The following NAA16 variants were observed in gnomAD, a reference collection of about 807,000 sequenced individuals.
The protein encoded by NAA16 is N-alpha-acetyltransferase 16, NatA auxiliary subunit, also known as NARG1-like protein.
Under a neutral mutation model 110.3 loss-of-function variants are expected in NAA16, and 97 were observed. That is an observed-to-expected ratio of 0.88 (90% confidence interval 0.75 to 1.04). The LOEUF is 1.04. NAA16 is among the 50% of genes least tolerant of loss of function. The probability of loss-of-function intolerance (pLI) is 0.00; values close to 1 mark genes in which losing one functional copy is unlikely to be tolerated. For missense variants in NAA16, 1,017 were observed against 1,005.1 expected (o/e 1.01, Z -0.16); for synonymous variants, 372 against 330.6 (o/e 1.13, Z -1.36).
chr13:41,337,834 T>G (rs1182078376), intron 9 of NAA16, among the ~76,000 whole-genome samples: 1 of 152,188 alleles, frequency 6.6e-6, no homozygotes, highest in Non-Finnish European at 1.5e-5. Context: ...AATACAATGT[T>G]GGAAACATCA....
chr13:41,313,031 T>C (rs2041683572), intron 1 of NAA16, among the ~76,000 whole-genome samples: 1 of 152,164 alleles, frequency 6.6e-6, no homozygotes, highest in Middle Eastern at 3.2e-3. Context: ...TAATATCATT[T>C]ATAAATCGCT....
At position 41,373,675 on chromosome 13, in the gene NAA16, G is replaced by T; in HGVS notation, c.2194G>T (p.Val732Phe). ...TAATCTTCCAGACATTGTGAGCAAA[G>T]TTCTATCTCAAGAAATGCAGAAAAT... Reference protein sequence around the residue: ...HSNLPDIVSKVLSQEMQKIFV... With the variant: ...HSNLPDIVSKFLSQEMQKIFV... The change falls in exon 18 of 20, where the codon GTT (valine) becomes TTT (phenylalanine). Residue 732 changes from valine (V) to phenylalanine (F), a missense_variant. Transcript: ENST00000379406. 1 of 1,610,218 alleles carries T rather than the reference G, an allele frequency of 6.2e-7. No homozygotes were observed. Among genetic ancestry groups the T allele is most frequent in the Non-Finnish European group, 8.5e-7 (1 of 1,178,592 alleles).
intron 5 of NAA16, among the ~76,000 whole-genome samples, chr13:41,325,050 C>T (rs537966235): frequency 2.0e-5 from 3 of 149,830 alleles, no homozygotes; most frequent in South Asian, 2.2e-4. Context: ...CCTCCACTTC[C>T]GGGCTTAAGC....
In NAA16 at chr13:41,318,430, G is replaced by A. The variant is rs547645926; in HGVS notation, c.140-376G>A. Among the ~76,000 whole-genome samples, 31 of 152,210 alleles carry A rather than the reference G, an allele frequency of 2.0e-4. No homozygotes were observed. In the South Asian group the frequency reaches 5.4e-3, roughly 26 times the overall value. On this transcript the variant is annotated intron_variant, in intron 2 of 19. Transcript: ENST00000379406. ...TTGGCCAGGCTGGTCTCGAACTCTT[G>A]ACCTCAGATGATCCACCCGCCTCAG...
At chr13:41,359,279 C>T (rs1335265655) in intron 12 of NAA16, among the ~76,000 whole-genome samples, 1 of 152,082 alleles carries the variant, frequency 6.6e-6, no homozygotes, top group Non-Finnish European at 1.5e-5. Flanking sequence ...TCCTTTGTCC[C>T]CCTAGTAATT....
intron 15 of NAA16, among the ~76,000 whole-genome samples, chr13:41,371,381 A>G (rs2043313202): frequency 6.6e-6 from 1 of 152,312 alleles, no homozygotes; most frequent in Admixed American, 6.5e-5. Context: ...TTTTAAATAA[A>G]TGAAAAAGCA....
chr13:41,333,731 T>G (rs1279702920), intron 8 of NAA16, among the ~76,000 whole-genome samples: 1 of 152,146 alleles, frequency 6.6e-6, no homozygotes, highest in African/African-American at 2.4e-5. Flanking sequence ...AACATGGGGC[T>G]TCAGGTTTAT....
chr13:41,339,206 T>C (rs568301322), intron 9 of NAA16, among the ~76,000 whole-genome samples: 1 of 152,246 alleles, frequency 6.6e-6, no homozygotes, highest in East Asian at 1.9e-4. Flanking sequence ...AATGGCATAA[T>C]CTCGCCTCAC....
rs2043433484 is a variant in NAA16, at chr13:41,376,784, T to G, written c.*1182T>G. The G allele has an allele frequency of 6.6e-6, 1 of 152,210 alleles. No homozygotes were observed. The highest frequency in any genetic ancestry group is 1.5e-5 in the Non-Finnish European group (1 of 68,034). The allele number at this position is 152,210 out of a possible 1,614,324, so 9.4% of individuals were successfully genotyped here. ...ATTTTTTGGGGGCGGGTGGATAGCTTTTTGTTCTATCTTGTACAGAAAACA... is the reference window on the plus strand; with the variant it reads ...ATTTTTTGGGGGCGGGTGGATAGCTGTTTGTTCTATCTTGTACAGAAAACA... On this transcript the variant is annotated 3_prime_UTR_variant, in exon 20 of 20. Transcript: ENST00000379406.
intron 10 of NAA16, among the ~76,000 whole-genome samples, chr13:41,355,976 G>C (rs1027998323): frequency 1.3e-5 from 2 of 152,086 alleles, no homozygotes; most frequent in Non-Finnish European, 2.9e-5. Context: ...AGTAACTTCC[G>C]GGTTCCTTAT....
chr13:41,348,578 T>C (rs1434068497), intron 9 of NAA16, among the ~76,000 whole-genome samples: 2 of 152,362 alleles, frequency 1.3e-5, no homozygotes, highest in Non-Finnish European at 2.9e-5. Context: ...ATTGCATTTA[T>C]ATTCCTAAGA....
At chr13:41,328,278 T>G (rs1302589043) in intron 6 of NAA16, among the ~76,000 whole-genome samples, 1 of 152,142 alleles carries the variant, frequency 6.6e-6, no homozygotes, top group East Asian at 1.9e-4. Flanking sequence ...GTTAAACTTC[T>G]CCAGTTTTAG....
intron 9 of NAA16, among the ~76,000 whole-genome samples, chr13:41,342,904 C>T (rs1192241313): frequency 6.6e-6 from 1 of 152,042 alleles, no homozygotes; most frequent in African/African-American, 2.4e-5. Context: ...TTTCCGTGTT[C>T]TCAAATAGTA....
intron 8 of NAA16, among the ~76,000 whole-genome samples, chr13:41,333,600 G>GT (rs1166181503): frequency 1.3e-5 from 2 of 152,090 alleles, no homozygotes; most frequent in Non-Finnish European, 2.9e-5. Flanking sequence ...TATATTGTGT[G>GT]TGGGGGGGAT....
At chr13:41,349,488 T>TA (rs921267526) in intron 9 of NAA16, among the ~76,000 whole-genome samples, 39 of 151,236 alleles carry the variant, frequency 2.6e-4, no homozygotes, top group African/African-American at 9.0e-4. Flanking sequence ...GGTCCTTTCT[T>TA]TTTTTTTCTT....
chr13:41,321,023 G>C lies in NAA16; in HGVS notation c.402+199G>C, dbSNP rs185410082. Among the ~76,000 whole-genome samples the C allele has an allele frequency of 8.5e-5, 13 of 152,368 alleles. No homozygotes were observed. In the East Asian group the frequency reaches 2.5e-3, roughly 29 times the overall value. On this transcript the variant is annotated intron_variant, in intron 4 of 19. Transcript: ENST00000379406. ...AGTATTCAAAAAGAATAACTGGTGGGGTGTGGTGGCCCACGCCTGTAATCC... is the reference window on the plus strand; with the variant it reads ...AGTATTCAAAAAGAATAACTGGTGGCGTGTGGTGGCCCACGCCTGTAATCC...
At chr13:41,344,640 G>C (rs972057239) in intron 9 of NAA16, among the ~76,000 whole-genome samples, 1 of 152,104 alleles carries the variant, frequency 6.6e-6, no homozygotes, top group Non-Finnish European at 1.5e-5. Flanking sequence ...TGTAATGTAG[G>C]GCTGTCCTAT....
chr13:41,323,204 T>C lies in NAA16; in HGVS notation c.537+14T>C. On this transcript the variant is annotated intron_variant, in intron 5 of 19. Coordinates refer to ENST00000379406, the MANE Select transcript of NAA16 (RefSeq NM_024561.5). ...CAAACTCAGCAAGTAAGAATTTTAA[T>C]GTTTCCTTCTACCTTCATAAATGGA... The C allele has an allele frequency of 1.9e-6, 3 of 1,612,522 alleles. No individual in the cohort carries two copies. The highest frequency in any genetic ancestry group is 2.2e-5 in the South Asian group (2 of 90,946).
chr13:41,331,381 A>C lies in NAA16; in HGVS notation c.907+12A>C. On this transcript the variant is annotated intron_variant, in intron 8 of 19. Coordinates refer to ENST00000379406, the MANE Select transcript of NAA16 (RefSeq NM_024561.5). ...GACTCTTGTCCCAGGTAATATTAAG[A>C]TGTCTTTTATAATATTAATTATTTG... The C allele has an allele frequency of 6.7e-7, 1 of 1,488,684 alleles. No homozygotes were observed. Among genetic ancestry groups the C allele is most frequent in the Non-Finnish European group, 9.3e-7 (1 of 1,075,220 alleles). The allele number at this position is 1,488,684 out of a possible 1,614,324, so 92.2% of individuals were successfully genotyped here.
Sources: gnomAD v4.1 joint callset for allele counts (sites outside exome capture counted in the v4.1 genomes callset) on GRCh38, gnomAD v4.1.1 for gene constraint, MANE v1.5 for transcripts, NCBI Gene and HGNC (gene_info 2026-07-23, HGNC 2026-07-21) for gene names.